Variants in PPHLN1 observed in about 807,000 individuals in gnomAD.
PPHLN1 encodes the protein periphilin-1.
PPHLN1 carries 29 observed loss-of-function variants against 51.3 expected under a neutral mutation model. The ratio of observed to expected loss-of-function variants is 0.57; its 90% CI spans 0.42 to 0.77. The LOEUF (loss-of-function observed/expected upper bound fraction) is 0.77. PPHLN1 is among the 30% of genes least tolerant of loss of function. The probability of loss-of-function intolerance (pLI) is 0.00; values close to 1 mark genes in which losing one functional copy is unlikely to be tolerated. For missense variants in PPHLN1, 436 were observed against 438.4 expected (o/e 0.99, Z 0.05); for synonymous variants, 147 against 147.8 (o/e 0.99, Z 0.04).
intron 9 of PPHLN1, among the ~76,000 whole-genome samples, chr12:42,435,387 A>G (rs547338936): frequency 6.6e-6 from 1 of 152,326 alleles, no homozygotes; most frequent in South Asian, 2.1e-4. Flanking sequence ...AGCAACCACC[A>G]GTGTTCTTTT....
At chr12:42,390,300 T>C (rs1272363870) in intron 7 of PPHLN1, among the ~76,000 whole-genome samples, 1 of 152,164 alleles carries the variant, frequency 6.6e-6, no homozygotes, top group African/African-American at 2.4e-5. Flanking sequence ...CCAATTGGAT[T>C]ATGGTTCTGT....
intron 2 of PPHLN1, among the ~76,000 whole-genome samples, chr12:42,350,964 G>A (rs1490205900): frequency 1.3e-5 from 2 of 151,546 alleles, no homozygotes; most frequent in Non-Finnish European, 2.9e-5. Context: ...AGCAGGAGAC[G>A]GAGAGGAGGG....
intron 9 of PPHLN1, among the ~76,000 whole-genome samples, chr12:42,438,628 G>C (rs947421006): frequency 6.6e-6 from 1 of 152,080 alleles, no homozygotes; most frequent in Admixed American, 6.5e-5. Context: ...TTGAGACAGA[G>C]TCTCACTCTG....
At chr12:42,425,589 A>G (rs148964985) in intron 9 of PPHLN1, among the ~76,000 whole-genome samples, 178 of 145,144 alleles carry the variant, frequency 1.2e-3, no homozygotes, top group African/African-American at 4.5e-3. Flanking sequence ...AGGTTTCACC[A>G]TGTTGGCCAG....
chr12:42,404,528 TCAA>T (rs143140913), intron 9 of PPHLN1, among the ~76,000 whole-genome samples: 2 of 150,892 alleles, frequency 1.3e-5, no homozygotes, highest in East Asian at 2.0e-4. Context: ...AAACTCCGTC[TCAA>T]CAACAACAAC....
At chr12:42,333,176 G>A (rs12820881) in intron 1 of PPHLN1, among the ~76,000 whole-genome samples, 30,040 of 151,836 alleles carry the variant, frequency 0.2, 3,390 homozygotes, top group South Asian at 0.27. Flanking sequence ...TGTTACTGGG[G>A]TTACTTTTCT....
intron 5 of PPHLN1, among the ~76,000 whole-genome samples, chr12:42,379,523 G>A (rs1287366611): frequency 6.7e-6 from 1 of 150,334 alleles, no homozygotes; most frequent in Non-Finnish European, 1.5e-5. Flanking sequence ...CAGACCTTTT[G>A]CTTTCCTATT....
rs2082994569 is a variant in PPHLN1 at position 42,441,852 on chromosome 12, C to T, written c.*343C>T. 9.8e-7 allele frequency: 1 copy of T among 1,017,892 alleles called. No homozygotes were observed. Among genetic ancestry groups the T allele is most frequent in the African/African-American group, 1.7e-5 (1 of 58,504 alleles). The allele number at this position is 1,017,892 out of a possible 1,614,324, so 63.1% of individuals were successfully genotyped here. On this transcript the variant is annotated 3_prime_UTR_variant, in exon 10 of 10. Coordinates refer to ENST00000358314, the MANE Select transcript of PPHLN1 (RefSeq NM_201439.2). The stretch of plus-strand genomic sequence containing the variant: ...TATACCATCTGAAAATGTTAGAATT[C>T]TGAGTTGTGATTTTATTGACTTGTT...
At chr12:42,377,571 T>C (rs1185616887) in intron 5 of PPHLN1, among the ~76,000 whole-genome samples, 2 of 152,164 alleles carry the variant, frequency 1.3e-5, no homozygotes, top group Admixed American at 1.3e-4. Flanking sequence ...CCCAAAGTGC[T>C]GGGATTACAG....
intron 1 of PPHLN1, among the ~76,000 whole-genome samples, chr12:42,332,342 C>T (rs1181076052): frequency 6.6e-6 from 1 of 152,076 alleles, no homozygotes; most frequent in Non-Finnish European, 1.5e-5. Context: ...TCATTGTTTA[C>T]AATAACAGCT....
chr12:42,389,847 A>G (rs1447027599), intron 7 of PPHLN1, among the ~76,000 whole-genome samples: 1 of 147,676 alleles, frequency 6.8e-6, no homozygotes, highest in African/African-American at 2.4e-5. Context: ...CTTAGTAGGT[A>G]CATATCTCTA....
In PPHLN1 at chr12:42,384,291, A is replaced by G. The variant is rs1487768776; in HGVS notation, c.512-649A>G. Among the ~76,000 whole-genome samples, 4 of 152,130 alleles carry G rather than the reference A, an allele frequency of 2.6e-5. No individual in the cohort carries two copies. In the East Asian group the frequency reaches 5.8e-4, roughly 22 times the overall value. The stretch of plus-strand genomic sequence containing the variant: ...TTGGCAACTTGGGATCTGTAGTAGA[A>G]GGATTTGAAGTCATTGTTATGGAGT... On this transcript the variant is annotated intron_variant, in intron 5 of 9. Coordinates refer to ENST00000358314, the MANE Select transcript of PPHLN1 (RefSeq NM_201439.2).
At chr12:42,422,318 TGAG>T (rs1261874605) in intron 9 of PPHLN1, among the ~76,000 whole-genome samples, 5 of 152,218 alleles carry the variant, frequency 3.3e-5, no homozygotes, top group African/African-American at 1.2e-4. Context: ...AAAATGTGTA[TGAG>T]GAGAAGAATG....
At chr12:42,446,498 T>C, downstream of PPHLN1, 4 of 1,485,772 alleles carry the variant, frequency 2.7e-6, no homozygotes, top group South Asian at 5.0e-5. Flanking sequence ...AAATCTCTCC[T>C]AGAAAGACCC....
At chr12:42,444,411 A>G (rs1403369822), downstream of PPHLN1, 2 of 148,748 alleles carry the variant, frequency 1.3e-5, no homozygotes, top group African/African-American at 2.5e-5. Context: ...TGAGGAAATC[A>G]AGCTATTTCT....
chr12:42,342,499 A>G (rs1039940679), intron 2 of PPHLN1, among the ~76,000 whole-genome samples: 7 of 152,238 alleles, frequency 4.6e-5, no homozygotes, highest in African/African-American at 1.2e-4. Context: ...GTTAGGTAAT[A>G]TGGAACATTT....
At chr12:42,389,581 G>A (rs575567260) in intron 7 of PPHLN1, among the ~76,000 whole-genome samples, 1 of 152,096 alleles carries the variant, frequency 6.6e-6, no homozygotes, top group East Asian at 1.9e-4. Flanking sequence ...AAACAAAACC[G>A]CTTACATTTT....
At chr12:42,441,267 G>T in intron 9 of PPHLN1, 48 bp from the exon 10 acceptor site, 1 of 1,536,288 alleles carries the variant, frequency 6.5e-7, no homozygotes. Context: ...TAAGTATTTG[G>T]CTAGTTATTT....
chr12:42,396,804 TG>T (rs1408723929), intron 8 of PPHLN1, among the ~76,000 whole-genome samples: 4 of 123,678 alleles, frequency 3.2e-5, no homozygotes, highest in Non-Finnish European at 5.1e-5. Flanking sequence ...AAAAAAGAAA[TG>T]GGGACAGCGG....
Sources: gnomAD v4.1 joint callset for allele counts (sites outside exome capture counted in the v4.1 genomes callset) on GRCh38, gnomAD v4.1.1 for gene constraint, MANE v1.5 for transcripts, NCBI Gene and HGNC (gene_info 2026-07-23, HGNC 2026-07-21) for gene names.